ADAMTS14: variants seen among roughly 807,000 people sequenced by gnomAD.
ADAMTS14 encodes the protein A disintegrin and metalloproteinase with thrombospondin motifs 14.
A neutral mutation model predicts 128.6 loss-of-function variants in ADAMTS14; 100 were observed. That is an observed-to-expected ratio of 0.78 (90% CI 0.66 to 0.92). The LOEUF (loss-of-function observed/expected upper bound fraction) is 0.92. ADAMTS14 is among the 40% of genes least tolerant of loss of function. The probability of loss-of-function intolerance (pLI) is 0.00; values close to 1 mark genes in which losing one functional copy is unlikely to be tolerated. For missense variants in ADAMTS14, 1,562 were observed against 1,658.6 expected, an observed-to-expected ratio of 0.94 and a Z score of 1.01; for synonymous variants, 665 against 653.8, an observed-to-expected ratio of 1.02 and a Z score of -0.26.
At chr10:70,697,320 G>A (rs963871706) in intron 2 of ADAMTS14, among the ~76,000 whole-genome samples, 1 of 152,172 alleles carries the variant, frequency 6.6e-6, no homozygotes, top group African/African-American at 2.4e-5. Flanking sequence ...AGGGGACTTA[G>A]GATCCCCCTT....
intron 4 of ADAMTS14, among the ~76,000 whole-genome samples, chr10:70,725,155 G>C (rs1413671593): frequency 6.6e-6 from 1 of 152,048 alleles, no homozygotes; most frequent in East Asian, 1.9e-4. Context: ...CTTTGACGGA[G>C]GTGTGCTTAC....
chr10:70,741,144 CCCTA>C lies in ADAMTS14; in HGVS notation c.1908_1911del (p.Tyr637SerfsTer11). 6.2e-7 allele frequency: 1 copy of C among 1,613,226 alleles called. No homozygotes were observed. Among genetic ancestry groups the C allele is most frequent in the Non-Finnish European group, 8.5e-7 (1 of 1,179,758 alleles). On this transcript the variant is annotated frameshift_variant, in exon 12 of 22. Coordinates refer to ENST00000373207, the MANE Select transcript of ADAMTS14 (RefSeq NM_080722.4). LOFTEE classifies it high-confidence loss of function. ...CCAGAATGCCAAGCACAGCTGGGTGCCCTACGAGCCTGACGATGGTGAGTGGGCC... is the reference window on the plus strand; with the variant it reads ...CCAGAATGCCAAGCACAGCTGGGTGCCGAGCCTGACGATGGTGAGTGGGCC...
intron 1 of ADAMTS14, among the ~76,000 whole-genome samples, chr10:70,673,953 G>A (rs896306410): frequency 2.6e-5 from 4 of 152,108 alleles, no homozygotes; most frequent in Admixed American, 6.5e-5. Flanking sequence ...CTTGGGGCTC[G>A]GCCATACAGA....
At chr10:70,743,155 G>A (rs1001889179) in intron 12 of ADAMTS14, among the ~76,000 whole-genome samples, 9 of 152,126 alleles carry the variant, frequency 5.9e-5, no homozygotes, top group Non-Finnish European at 8.8e-5. Context: ...GGTGTTGAGA[G>A]GGTTAAATGA....
intron 15 of ADAMTS14, among the ~76,000 whole-genome samples, chr10:70,748,507 T>C (rs1842252251): frequency 6.6e-6 from 1 of 152,124 alleles, no homozygotes; most frequent in South Asian, 2.1e-4. Context: ...GCGAGGCTCT[T>C]CTTTTTCCAC....
intron 18 of ADAMTS14, 54 bp downstream of exon 18, chr10:70,752,281 C>T: frequency 1.3e-6 from 2 of 1,596,492 alleles, no homozygotes; most frequent in Non-Finnish European, 8.5e-7. Context: ...AGCCCGGGCC[C>T]CAGGCAGCGG....
chr10:70,714,968 A>AAAG (rs1840991896), intron 4 of ADAMTS14, among the ~76,000 whole-genome samples: 3 of 132,420 alleles, frequency 2.3e-5, no homozygotes, highest in East Asian at 2.2e-4. Context: ...AAAAAAAAAA[A>AAAG]AAAAGAAACA....
chr10:70,759,985 C>A (rs186368425), intron 21 of ADAMTS14, among the ~76,000 whole-genome samples: 214 of 152,346 alleles, frequency 1.4e-3, no homozygotes, highest in African/African-American at 4.2e-3. Context: ...GATGCGCCCA[C>A]ACGTGGAGTC....
chr10:70,737,563 G>T (rs1841865872), intron 10 of ADAMTS14, among the ~76,000 whole-genome samples: 1 of 152,184 alleles, frequency 6.6e-6, no homozygotes, highest in Non-Finnish European at 1.5e-5. Flanking sequence ...CCACCAGCCT[G>T]CCCCCTGCCT....
At chr10:70,719,367 TACACACACACACACACACACACAC>T (rs61607600) in intron 4 of ADAMTS14, among the ~76,000 whole-genome samples, 3 of 142,216 alleles carry the variant, frequency 2.1e-5, no homozygotes, top group East Asian at 2.2e-4. Flanking sequence ...ACTCCACAAA[TACACACACACACACACACACACAC>T]ACACACACAC....
chr10:70,696,922 TTGTG>T (rs1840347889), intron 2 of ADAMTS14, among the ~76,000 whole-genome samples: 1 of 152,162 alleles, frequency 6.6e-6, no homozygotes, highest in Admixed American at 6.5e-5. Flanking sequence ...TTTCTGATCC[TTGTG>T]TGTATCACCC....
chr10:70,740,992 C>T lies in ADAMTS14; in HGVS notation c.1754C>T (p.Ala585Val). 6.2e-7 allele frequency: 1 copy of T among 1,614,042 alleles called. No individual in the cohort carries two copies. Among genetic ancestry groups the T allele is most frequent in the Non-Finnish European group, 8.5e-7 (1 of 1,179,948 alleles). Residue 585 changes from alanine to valine, a missense_variant, in exon 12 of 22, where the codon GCC (alanine) becomes GTC (valine). Coordinates refer to ENST00000373207, the MANE Select transcript of ADAMTS14 (RefSeq NM_080722.4). ...TTTCTCTGTGTCTGTCCCAGCCCAGCCTATGGAGGCCGCCTGTGCTTAGGG... is the reference window on the plus strand; with the variant it reads ...TTTCTCTGTGTCTGTCCCAGCCCAGTCTATGGAGGCCGCCTGTGCTTAGGG... ...RSRSCNNPSP[A>V]YGGRLCLGPM... is the part of the protein sequence containing the mutation.
chr10:70,743,897 G>A (rs140222531), intron 13 of ADAMTS14, among the ~76,000 whole-genome samples, 169 bp from the exon 14 acceptor site: 36 of 152,334 alleles, frequency 2.4e-4, no homozygotes, highest in African/African-American at 7.9e-4. Flanking sequence ...CACGCCGGGT[G>A]TAAGACCTCA....
At chr10:70,743,425 C>T in intron 12 of ADAMTS14, 123 bp from the exon 13 acceptor site, 1 of 1,211,194 alleles carries the variant, frequency 8.3e-7, no homozygotes, top group Admixed American at 3.2e-5. Context: ...CGTGCCACAC[C>T]CAGTGCTCCC....
chr10:70,672,672 G>A lies in ADAMTS14; in HGVS notation c.-131G>A. The A allele has an allele frequency of 8.2e-7, 1 of 1,219,626 alleles. No homozygotes were observed. Among genetic ancestry groups the A allele is most frequent in the South Asian group, 2.5e-5 (1 of 40,636 alleles). 75.6% of individuals were successfully genotyped at this position (1,219,626 alleles called of 1,614,324 possible). On this transcript the variant is annotated 5_prime_UTR_variant, in exon 1 of 22. Transcript: ENST00000373207. ...GGCGGGAGGGAAGCAGCTAGGCGGGGAGGCGGCTGAGGCGGCAGCGGCGGC... is the reference window on the plus strand; with the variant it reads ...GGCGGGAGGGAAGCAGCTAGGCGGGAAGGCGGCTGAGGCGGCAGCGGCGGC...
chr10:70,733,770 G>A (rs1841726823), intron 7 of ADAMTS14, 115 bp from the exon 8 acceptor site: 3 of 1,329,376 alleles, frequency 2.3e-6, no homozygotes, highest in African/African-American at 1.5e-5. Flanking sequence ...GCCAGGAAGA[G>A]CGATCTGAGC....
chr10:70,752,498 G>A (rs906053624), intron 18 of ADAMTS14, among the ~76,000 whole-genome samples: 4 of 152,126 alleles, frequency 2.6e-5, no homozygotes, highest in Non-Finnish European at 5.9e-5. Flanking sequence ...CCTGGCTTGC[G>A]GCTACATGCT....
intron 21 of ADAMTS14, among the ~76,000 whole-genome samples, chr10:70,759,752 G>T (rs1235993675): frequency 1.3e-5 from 2 of 152,204 alleles, no homozygotes; most frequent in Admixed American, 6.5e-5. Flanking sequence ...AGCATGAGTT[G>T]CCTGGGGTCT....
intron 15 of ADAMTS14, among the ~76,000 whole-genome samples, chr10:70,747,972 AG>A (rs988226727): frequency 1.3e-5 from 2 of 151,874 alleles, no homozygotes; most frequent in African/African-American, 2.4e-5. Context: ...ATGAAGGGAG[AG>A]GCTCTGTCCA....
Sources: allele counts gnomAD v4.1 joint callset (sites outside exome capture counted in the v4.1 genomes callset), GRCh38; gene constraint gnomAD v4.1.1; transcripts MANE v1.5; gene names NCBI Gene and HGNC (gene_info 2026-07-23, HGNC 2026-07-21).